The following TXNRD2 variants were observed in gnomAD, a reference collection of about 807,000 sequenced individuals.
The protein encoded by TXNRD2 is thioredoxin reductase 2, mitochondrial.
In TXNRD2, 67 loss-of-function variants were observed where a neutral mutation model predicts 70.8. The ratio of observed to expected loss-of-function variants is 0.95; its 90% CI spans 0.78 to 1.16. TXNRD2 has a LOEUF of 1.16. Ranked by LOEUF, TXNRD2 falls within the 50% of genes most tolerant of loss-of-function variation. TXNRD2 has a pLI of 0.00. For missense variants in TXNRD2, 644 were observed against 719.9 expected, an observed-to-expected ratio of 0.89 and a Z score of 1.21; for synonymous variants, 301 against 295.8, an observed-to-expected ratio of 1.02 and a Z score of -0.18.
At chr22:19,931,163 T>G in intron 1 of TXNRD2, 65 bp from the exon 2 acceptor site, 1 of 1,470,284 alleles carries the variant, frequency 6.8e-7, no homozygotes, top group Non-Finnish European at 9.5e-7. Context: ...AGGATCAATT[T>G]TATCAGGATT....
intron 1 of TXNRD2, chr22:19,932,430 G>A: frequency 6.2e-7 from 1 of 1,612,040 alleles, no homozygotes; most frequent in Non-Finnish European, 8.5e-7. Flanking sequence ...GTGTCATCGT[G>A]TCTACTCTGC....
chr22:19,940,576 T>C (rs1318467433), intron 1 of TXNRD2, among the ~76,000 whole-genome samples: 2 of 152,212 alleles, frequency 1.3e-5, no homozygotes, highest in East Asian at 1.9e-4. Flanking sequence ...GAAGCTTTTC[T>C]GTCTGTTGTC....
At chr22:19,939,538 T>G (rs1442225627) in intron 1 of TXNRD2, among the ~76,000 whole-genome samples, 1 of 152,242 alleles carries the variant, frequency 6.6e-6, no homozygotes, top group Non-Finnish European at 1.5e-5. Flanking sequence ...CTCCACTTAT[T>G]CGACCTCTCA....
At chr22:19,922,938 C>T (rs938576654) in intron 2 of TXNRD2, among the ~76,000 whole-genome samples, 1 of 151,810 alleles carries the variant, frequency 6.6e-6, no homozygotes, top group Non-Finnish European at 1.5e-5. Flanking sequence ...CCGCCCACCT[C>T]GGCCTCCCAA....
chr22:19,890,027 TG>T (rs1300075110), intron 11 of TXNRD2, among the ~76,000 whole-genome samples: 3 of 152,188 alleles, frequency 2.0e-5, no homozygotes, highest in African/African-American at 7.2e-5. Flanking sequence ...CAGATAGCTG[TG>T]GGCTCTGGAC....
In TXNRD2 at chr22:19,915,764, C is replaced by T. The variant is rs749770473; in HGVS notation, c.528+1G>A. On this transcript the variant is annotated splice_donor_variant, in intron 6 of 17. Coordinates refer to ENST00000400521, the MANE Select transcript of TXNRD2 (RefSeq NM_006440.5). LOFTEE classifies it high-confidence loss of function. ...GCCACGCGAGTAAGTCAGATGCTCA[C>T]CTCTTTCCCACCTTTGGCAACGCCG... 1 of 1,614,202 alleles carries T rather than the reference C, an allele frequency of 6.2e-7. No individual in the cohort carries two copies. Among genetic ancestry groups the T allele is most frequent in the South Asian group, 1.1e-5 (1 of 91,088 alleles).
chr22:19,940,244 C>CAAA (rs141013808), intron 1 of TXNRD2, among the ~76,000 whole-genome samples: 10,717 of 68,120 alleles, frequency 0.16, 1,118 homozygotes, highest in East Asian at 0.26. Flanking sequence ...GACACTGTCT[C>CAAA]AAAAAAAAAA....
chr22:19,918,714 A>G (rs1784972313), intron 4 of TXNRD2, 146 bp downstream of exon 4: 3 of 976,266 alleles, frequency 3.1e-6, no homozygotes, highest in Non-Finnish European at 4.7e-6. Context: ...CAAATGTCTG[A>G]GGCAGACAGC....
At chr22:19,885,311 G>T (rs956267058) in intron 11 of TXNRD2, among the ~76,000 whole-genome samples, 1 of 152,230 alleles carries the variant, frequency 6.6e-6, no homozygotes, top group Non-Finnish European at 1.5e-5. Context: ...TCGTGGCTGG[G>T]ACAAACCAGC....
chr22:19,919,517 C>A, intron 3 of TXNRD2, 26 bp downstream of exon 3: 2 of 1,553,514 alleles, frequency 1.3e-6, no homozygotes, highest in Non-Finnish European at 1.7e-6. Flanking sequence ...CCCCAGGACA[C>A]CCGGCTCCCA....
At chr22:19,892,888 G>A (rs894021434) in intron 11 of TXNRD2, among the ~76,000 whole-genome samples, 7 of 152,184 alleles carry the variant, frequency 4.6e-5, no homozygotes, top group Admixed American at 1.3e-4. Flanking sequence ...CTAATCCTTC[G>A]TAGTGTTTAT....
At chr22:19,908,983 T>A (rs907126637) in intron 8 of TXNRD2, among the ~76,000 whole-genome samples, 3 of 152,092 alleles carry the variant, frequency 2.0e-5, no homozygotes, top group African/African-American at 4.8e-5. Context: ...GGCAGGTGGA[T>A]CACCTGAGGT....
intron 13 of TXNRD2, 24 bp from the exon 14 acceptor site, chr22:19,880,295 G>C (rs138199053): frequency 3.5e-4 from 572 of 1,611,382 alleles, no homozygotes; most frequent in Non-Finnish European, 4.7e-4. Context: ...TGGAGTCAGG[G>C]AGGGCCCTTG....
At chr22:19,920,245 TGGCCACCCAG>T (rs1190578830) in intron 2 of TXNRD2, among the ~76,000 whole-genome samples, 1 of 152,180 alleles carries the variant, frequency 6.6e-6, no homozygotes, top group Non-Finnish European at 1.5e-5. Flanking sequence ...GCCAGCAGTG[TGGCCACCCAG>T]GGCCACAGGT....
At chr22:19,913,029 G>A (rs996376754) in intron 7 of TXNRD2, among the ~76,000 whole-genome samples, 8 of 152,250 alleles carry the variant, frequency 5.3e-5, no homozygotes, top group South Asian at 2.1e-4. Context: ...GGCGGCACAC[G>A]GTTCCCTGGG....
chr22:19,884,495 A>G (rs1484758183), intron 11 of TXNRD2: 2 of 152,260 alleles, frequency 1.3e-5, no homozygotes, highest in Non-Finnish European at 2.9e-5. Flanking sequence ...CTTCATCCGG[A>G]GAAACCAGCC....
intron 7 of TXNRD2, among the ~76,000 whole-genome samples, chr22:19,913,783 G>A (rs1393358709): frequency 6.6e-6 from 1 of 152,200 alleles, no homozygotes; most frequent in Non-Finnish European, 1.5e-5. Flanking sequence ...GTGAAGGCTA[G>A]GGCAGAGCTG....
intron 2 of TXNRD2, among the ~76,000 whole-genome samples, chr22:19,927,384 G>T (rs1025188731): frequency 6.6e-6 from 1 of 152,042 alleles, no homozygotes; most frequent in African/African-American, 2.4e-5. Context: ...ACTGGACATG[G>T]TGGCTCATGC....
intron 11 of TXNRD2, among the ~76,000 whole-genome samples, chr22:19,885,881 AATAAAG>A (rs1360204046): frequency 1.3e-5 from 2 of 152,228 alleles, no homozygotes; most frequent in Non-Finnish European, 2.9e-5. Context: ...TCCCGAAGGA[AATAAAG>A]ATAAATTTAA....
Sources: gnomAD v4.1 joint callset for allele counts (sites outside exome capture counted in the v4.1 genomes callset) on GRCh38, gnomAD v4.1.1 for gene constraint, MANE v1.5 for transcripts, NCBI Gene and HGNC (gene_info 2026-07-23, HGNC 2026-07-21) for gene names.